Variants in CNNM2 observed in about 807,000 individuals in gnomAD.
The protein encoded by CNNM2 is cyclin and CBS domain divalent metal cation transport mediator 2, also known as metal transporter CNNM2.
In CNNM2, 12 loss-of-function variants were observed where a neutral mutation model predicts 66.9. That is an observed-to-expected ratio of 0.18 (90% confidence interval 0.11 to 0.29). The LOEUF (loss-of-function observed/expected upper bound fraction) is 0.29. Among genes scored for constraint, CNNM2 ranks in the 10% least tolerant of loss-of-function variants. CNNM2 has a pLI of 1.00. For missense variants in CNNM2, 705 were observed against 1,167.7 expected, an observed-to-expected ratio of 0.60 and a Z score of 5.77; for synonymous variants, 557 against 501.8, an observed-to-expected ratio of 1.11 and a Z score of -1.47.
rs376724294 is a variant in CNNM2 at position 103,016,479 on chromosome 10, G to T, written c.1622-33228G>T. Among the ~76,000 whole-genome samples the T allele has an allele frequency of 1.3e-5, 2 of 152,014 alleles. 1 individual carries two copies. Among genetic ancestry groups the T allele is most frequent in the South Asian group, 4.2e-4 (2 of 4,812 alleles). On this transcript the variant is annotated intron_variant, in intron 1 of 7. Coordinates refer to ENST00000369878, the MANE Select transcript of CNNM2 (RefSeq NM_017649.5). Reference sequence around the variant, plus strand: ...TGAATCAGGTCATGTCCCTGCCTTCGTGGATTCAGTATCTAAGTGGGGAGC... The same window carrying T: ...TGAATCAGGTCATGTCCCTGCCTTCTTGGATTCAGTATCTAAGTGGGGAGC...
chr10:102,983,641 A>C (rs981783539), intron 1 of CNNM2, among the ~76,000 whole-genome samples: 1 of 151,760 alleles, frequency 6.6e-6, no homozygotes, highest in Admixed American at 6.6e-5. Flanking sequence ...GGGTCTTTCT[A>C]TGTTGCCCAG....
At chr10:102,980,376 T>C (rs1292451421) in intron 1 of CNNM2, among the ~76,000 whole-genome samples, 1 of 151,828 alleles carries the variant, frequency 6.6e-6, no homozygotes, top group Non-Finnish European at 1.5e-5. Context: ...GCTTAGGTGA[T>C]CCTCCCACCT....
At position 103,085,759 on chromosome 10, in the gene CNNM2, GTGT is replaced by G. The variant is rs2065799858; in HGVS notation, c.*8581_*8583del. 1 of 152,152 alleles carries G rather than the reference GTGT, an allele frequency of 6.6e-6. No homozygotes were observed. The highest frequency in any genetic ancestry group is 1.5e-5 in the Non-Finnish European group (1 of 68,000). The allele number at this position is 152,152 out of a possible 1,614,324, so 9.4% of individuals were successfully genotyped here. ...TGTGTTCAATGGGGAGTACTTTTTT[GTGT>G]TAAAGCTCTACAGAGAAACTTCTGT... On this transcript the variant is annotated 3_prime_UTR_variant, in exon 8 of 8. Transcript: ENST00000369878.
intron 1 of CNNM2, among the ~76,000 whole-genome samples, chr10:102,957,655 G>C (rs906589528): frequency 3.3e-5 from 5 of 152,166 alleles, no homozygotes; most frequent in African/African-American, 1.2e-4. Flanking sequence ...TTCCTTCCAC[G>C]TCCAAGGTCC....
chr10:103,043,244 G>A (rs2065072840), intron 1 of CNNM2, among the ~76,000 whole-genome samples: 1 of 152,128 alleles, frequency 6.6e-6, no homozygotes, highest in Non-Finnish European at 1.5e-5. Context: ...TTTGCCTTGT[G>A]CTTGCATTAT....
intron 1 of CNNM2, among the ~76,000 whole-genome samples, chr10:102,998,462 G>GTA (rs1414744521): frequency 1.3e-5 from 2 of 152,066 alleles, no homozygotes; most frequent in East Asian, 3.8e-4. Flanking sequence ...GATCCTTCAC[G>GTA]TATATATGCG....
At chr10:102,931,355 T>C (rs1846056092) in intron 1 of CNNM2, among the ~76,000 whole-genome samples, 1 of 96,646 alleles carries the variant, frequency 1.0e-5, no homozygotes, top group African/African-American at 4.2e-5. Flanking sequence ...TTTCCTTCTT[T>C]CTTTTTTTTT....
chr10:103,013,085 C>T (rs1176092078), intron 1 of CNNM2, among the ~76,000 whole-genome samples: 1 of 149,086 alleles, frequency 6.7e-6, no homozygotes, highest in Non-Finnish European at 1.5e-5. Context: ...ATCTTGGAAT[C>T]AGACAGACTT....
intron 1 of CNNM2, among the ~76,000 whole-genome samples, chr10:102,989,264 C>G (rs2063852431): frequency 6.6e-6 from 1 of 152,134 alleles, no homozygotes; most frequent in Non-Finnish European, 1.5e-5. Context: ...AACAGTTCCC[C>G]AAGAATCGGA....
intron 1 of CNNM2, among the ~76,000 whole-genome samples, chr10:103,032,847 G>T (rs781292942): frequency 1.3e-5 from 2 of 151,716 alleles, no homozygotes; most frequent in Non-Finnish European, 2.9e-5. Context: ...GCTGAGTGTG[G>T]TGGCTCACGT....
chr10:103,053,571 T>C (rs887332134), intron 2 of CNNM2, among the ~76,000 whole-genome samples: 2 of 152,194 alleles, frequency 1.3e-5, no homozygotes, highest in Non-Finnish European at 2.9e-5. Context: ...GCAAAAATTA[T>C]ATGCAATTCA....
At chr10:102,929,904 G>A (rs543340217) in intron 1 of CNNM2, among the ~76,000 whole-genome samples, 6 of 152,290 alleles carry the variant, frequency 3.9e-5, no homozygotes, top group South Asian at 2.1e-4. Flanking sequence ...TGCATAAAAA[G>A]TATAAAAAAT....
intron 1 of CNNM2, among the ~76,000 whole-genome samples, chr10:103,010,838 C>G (rs1406142394): frequency 1.3e-5 from 2 of 152,136 alleles, no homozygotes; most frequent in Admixed American, 1.3e-4. Flanking sequence ...GTCTTGAAAT[C>G]CTGACCACAG....
At chr10:102,975,469 G>GAAAAAAAAAAAAAAA (rs57482469) in intron 1 of CNNM2, among the ~76,000 whole-genome samples, 2 of 119,298 alleles carry the variant, frequency 1.7e-5, no homozygotes. Flanking sequence ...GATGGAATTA[G>GAAAAAAAAAAAAAAA]AAAAAAAAAA....
intron 1 of CNNM2, among the ~76,000 whole-genome samples, chr10:102,943,317 C>G (rs1039321441): frequency 6.6e-6 from 1 of 151,458 alleles, no homozygotes; most frequent in Non-Finnish European, 1.5e-5. Flanking sequence ...AGTCCCAGCT[C>G]CTTGGGAGGC....
chr10:102,920,552 G>A (rs544926419), intron 1 of CNNM2, among the ~76,000 whole-genome samples: 64 of 152,212 alleles, frequency 4.2e-4, no homozygotes, highest in African/African-American at 1.3e-3. Context: ...ACCCAGTGCA[G>A]TCCTTTTTCT....
chr10:103,007,646 C>G (rs1294653742), intron 1 of CNNM2, among the ~76,000 whole-genome samples: 2 of 152,186 alleles, frequency 1.3e-5, no homozygotes, highest in Non-Finnish European at 2.9e-5. Context: ...AAATATGGCT[C>G]TATTCTGCCT....
intron 1 of CNNM2, among the ~76,000 whole-genome samples, chr10:102,941,758 C>G (rs1196182188): frequency 2.0e-5 from 3 of 152,226 alleles, no homozygotes; most frequent in Admixed American, 6.5e-5. Flanking sequence ...CCTTAGCCCT[C>G]TACTGTACTA....
intron 1 of CNNM2, among the ~76,000 whole-genome samples, chr10:103,024,462 CA>C (rs2134290872): frequency 6.6e-6 from 1 of 152,070 alleles, no homozygotes; most frequent in East Asian, 1.9e-4. Flanking sequence ...TAATACCAAG[CA>C]AAATTTATTT....
Sources: allele counts gnomAD v4.1 joint callset (sites outside exome capture counted in the v4.1 genomes callset), GRCh38; gene constraint gnomAD v4.1.1; transcripts MANE v1.5; gene names NCBI Gene and HGNC (gene_info 2026-07-23, HGNC 2026-07-21).